DNAH9: variants seen among roughly 807,000 people sequenced by gnomAD.
DNAH9 encodes the protein dynein axonemal heavy chain 9.
In DNAH9, 345 loss-of-function variants were observed where a neutral mutation model predicts 471.6. That is an observed-to-expected ratio of 0.73 (90% CI 0.67 to 0.80). The LOEUF (loss-of-function observed/expected upper bound fraction) is 0.80, where lower values mean the gene tolerates loss of function less well. DNAH9 is among the 30% of genes least tolerant of loss of function. The pLI is 0.00. For synonymous variants in DNAH9, 2,093 were observed against 2,123.6 expected (o/e 0.99, Z 0.40); for missense variants, 5,407 against 5,609.2 (o/e 0.96, Z 1.15).
intron 4 of DNAH9, among the ~76,000 whole-genome samples, chr17:11,616,378 ACCAC>A (rs1398263020): frequency 6.6e-6 from 1 of 152,168 alleles, no homozygotes; most frequent in African/African-American, 2.4e-5. Context: ...GTAACCTAAG[ACCAC>A]CTGCTCTCAT....
rs140744845 is a variant in DNAH9, at chr17:11,894,590, G to A, written c.11406+94G>A. 14,265 of 1,520,154 alleles carry A rather than the reference G, an allele frequency of 9.4e-3. 96 individuals carry two copies. Among genetic ancestry groups the A allele is most frequent in the Middle Eastern group, 0.015 (83 of 5,660 alleles). The allele number at this position is 1,520,154 out of a possible 1,614,324, so 94.2% of individuals were successfully genotyped here. A position where few individuals can be genotyped will look rare whatever the true frequency, so the allele number is the denominator to read the frequency against. ...ATGAAGTCAGCAGGGCTCTCTGTTG[G>A]AGTTCAAGCATGGAGCTGTGTTAAA... On this transcript the variant is annotated intron_variant, in intron 59 of 68. Transcript: ENST00000262442.
chr17:11,922,274 A>C (rs916181931), intron 61 of DNAH9, among the ~76,000 whole-genome samples: 2 of 152,090 alleles, frequency 1.3e-5, no homozygotes, highest in Non-Finnish European at 2.9e-5. Context: ...CTACATCTTC[A>C]CTTTTAGTTC....
chr17:11,636,030 A>G (rs1437863083), intron 8 of DNAH9, among the ~76,000 whole-genome samples: 1 of 150,338 alleles, frequency 6.7e-6, no homozygotes, highest in Non-Finnish European at 1.5e-5. Context: ...ACAGAGTCTC[A>G]CTCTGTCGCC....
rs934982405 is a variant in DNAH9 at position 11,962,669 on chromosome 17, C to G, written c.13233+413C>G. On this transcript the variant is annotated intron_variant, in intron 68 of 68. Coordinates refer to ENST00000262442, the MANE Select transcript of DNAH9 (RefSeq NM_001372.4). The surrounding 1 kb of genome is among the most constrained non-coding windows in gnomAD (Gnocchi z 4.1). ...GGCAGTTATCAAAAAATGTTGGAGT[C>G]AGCTATCTCTGCTGCTGCTGCTGTG... Among the ~76,000 whole-genome samples, 1 of 152,034 alleles carries G rather than the reference C, an allele frequency of 6.6e-6. No individual in the cohort carries two copies. Among genetic ancestry groups the G allele is most frequent in the African/African-American group, 2.4e-5 (1 of 41,318 alleles).
In DNAH9 at chr17:11,609,041, C is replaced by T. The variant is rs146073003; in HGVS notation, c.614+716C>T. On this transcript the variant is annotated intron_variant, in intron 2 of 68. Transcript: ENST00000262442. ...ATATAAATATTAATAGTATATTTTG[C>T]TATATTTCATCCAGCATCTCTATGT... Among the ~76,000 whole-genome samples, 776 of 152,228 alleles carry T rather than the reference C, an allele frequency of 5.1e-3. 4 individuals are homozygous for T. Among genetic ancestry groups the T allele is most frequent in the Non-Finnish European group, 8.2e-3 (557 of 68,004 alleles).
intron 4 of DNAH9, chr17:11,612,306 G>C (rs994488701): frequency 3.9e-5 from 8 of 205,970 alleles, no homozygotes; most frequent in Admixed American, 3.9e-4. Flanking sequence ...TTATTGGCTG[G>C]GACCCCTCAT....
At chr17:11,769,018 C>T in intron 37 of DNAH9, 104 bp from the exon 38 acceptor site, 1 of 1,197,236 alleles carries the variant, frequency 8.4e-7, no homozygotes, top group Admixed American at 1.8e-5. Context: ...TGGGGAGCTC[C>T]ATCGTGACGG....
chr17:11,917,758 T>TA (rs1322748972), intron 61 of DNAH9, among the ~76,000 whole-genome samples: 1 of 152,210 alleles, frequency 6.6e-6, no homozygotes, highest in Non-Finnish European at 1.5e-5. Context: ...TGCATGGCGT[T>TA]ACGATGAGGA....
At chr17:11,895,300 C>T (rs1381937835) in intron 59 of DNAH9, among the ~76,000 whole-genome samples, 1 of 152,200 alleles carries the variant, frequency 6.6e-6, no homozygotes, top group Non-Finnish European at 1.5e-5. Context: ...GCCTGCACTC[C>T]ATGCAGGCAG....
chr17:11,760,108 C>T (rs893099608), intron 35 of DNAH9, among the ~76,000 whole-genome samples: 1 of 152,172 alleles, frequency 6.6e-6, no homozygotes, highest in African/African-American at 2.4e-5. Flanking sequence ...AGGTATAAGC[C>T]ACTGTGCCCG....
intron 31 of DNAH9, among the ~76,000 whole-genome samples, 171 bp downstream of exon 31, chr17:11,745,255 A>G (rs2075503949): frequency 6.6e-6 from 1 of 152,206 alleles, no homozygotes; most frequent in South Asian, 2.1e-4. Flanking sequence ...CACAATGTGG[A>G]ATGCATGGTA....
rs189304063 is a variant in DNAH9 at position 11,959,233 on chromosome 17, T to C, written c.12844-2634T>C. On this transcript the variant is annotated intron_variant, in intron 67 of 68. Transcript: ENST00000262442. ...AGGTTTTCCATCCTCATCACTTTTG[T>C]TCATCATTGCCATGAATGTCCTTCA... Among the ~76,000 whole-genome samples the C allele has an allele frequency of 2.8e-3, 429 of 152,320 alleles. 2 individuals carry two copies. The highest frequency in any genetic ancestry group is 9.7e-3 in the African/African-American group (404 of 41,576).
chr17:11,754,994 A>C (rs11651819), intron 33 of DNAH9, among the ~76,000 whole-genome samples: 65,108 of 151,968 alleles, frequency 0.43, 14,111 homozygotes, highest in East Asian at 0.52. Context: ...CTCTTGAGTT[A>C]ATCTTTGTAT....
intron 26 of DNAH9, among the ~76,000 whole-genome samples, chr17:11,716,035 G>T (rs2074954977): frequency 6.6e-6 from 1 of 151,692 alleles, no homozygotes; most frequent in Admixed American, 6.6e-5. Context: ...CGTCATGGCA[G>T]CCTCCCTTGT....
chr17:11,957,090 A>G (rs1975681541), intron 67 of DNAH9, among the ~76,000 whole-genome samples: 1 of 152,170 alleles, frequency 6.6e-6, no homozygotes, highest in Non-Finnish European at 1.5e-5. Flanking sequence ...AGATATCATC[A>G]TAAATCCTAT....
chr17:11,881,436 G>A, intron 55 of DNAH9, 23 bp downstream of exon 55: 1 of 1,601,098 alleles, frequency 6.2e-7, no homozygotes, highest in Non-Finnish European at 8.5e-7. Context: ...GGGAGAAAAT[G>A]TTCTGCCACT....
At chr17:11,743,312 C>G (rs2075460155) in intron 30 of DNAH9, among the ~76,000 whole-genome samples, 1 of 152,198 alleles carries the variant, frequency 6.6e-6, no homozygotes, top group African/African-American at 2.4e-5. Context: ...ATTTCTCAGA[C>G]AAGTCTCATT....
At chr17:11,952,477 A>T (rs1023330154) in intron 67 of DNAH9, among the ~76,000 whole-genome samples, 1 of 151,736 alleles carries the variant, frequency 6.6e-6, no homozygotes, top group Non-Finnish European at 1.5e-5. Flanking sequence ...TTAATTTTAT[A>T]ATTTTAGTTC....
chr17:11,706,058 A>G (rs904378350), intron 26 of DNAH9, among the ~76,000 whole-genome samples: 1 of 152,188 alleles, frequency 6.6e-6, no homozygotes, highest in African/African-American at 2.4e-5. Context: ...TAAGTGAATA[A>G]TGTATTTTGC....
Sources: allele counts gnomAD v4.1 joint callset (sites outside exome capture counted in the v4.1 genomes callset), GRCh38; gene constraint gnomAD v4.1.1; non-coding constraint Gnocchi (gnomAD v3.1); transcripts MANE v1.5; gene names NCBI Gene and HGNC (gene_info 2026-07-23, HGNC 2026-07-21).